The following TRAPPC12 variants were observed in gnomAD, a reference collection of about 807,000 sequenced individuals.
TRAPPC12 encodes the protein TPR repeat protein 15.
In TRAPPC12, 61 loss-of-function variants were observed where a neutral mutation model predicts 69.2. The ratio of observed to expected loss-of-function variants is 0.88; its 90% confidence interval spans 0.72 to 1.09. The LOEUF (loss-of-function observed/expected upper bound fraction) is 1.09. TRAPPC12 is among the 50% of genes least tolerant of loss of function. The pLI, the probability that TRAPPC12 is intolerant of heterozygous loss-of-function variation, is 0.00. For synonymous variants in TRAPPC12, 469 were observed against 438.9 expected (o/e 1.07, Z -0.86); for missense variants, 1,101 against 1,016.4 (o/e 1.08, Z -1.13).
At chr2:3,410,544 T>A (rs1202608256) in intron 3 of TRAPPC12, among the ~76,000 whole-genome samples, 1 of 152,260 alleles carries the variant, frequency 6.6e-6, no homozygotes, top group Non-Finnish European at 1.5e-5. Flanking sequence ...TTGCAAATAA[T>A]TTTATTACAC....
chr2:3,434,172 C>A (rs1049425084), intron 5 of TRAPPC12, among the ~76,000 whole-genome samples: 1 of 152,222 alleles, frequency 6.6e-6, no homozygotes, highest in Non-Finnish European at 1.5e-5. Flanking sequence ...CTTGAGGACA[C>A]GGACCTCGTG....
chr2:3,433,176 A>C (rs1363233856), intron 5 of TRAPPC12, among the ~76,000 whole-genome samples: 1 of 152,192 alleles, frequency 6.6e-6, no homozygotes, highest in East Asian at 1.9e-4. Context: ...AGCACAGGCA[A>C]ACCAAAGGCA....
At chr2:3,404,393 A>G (rs181271874) in intron 3 of TRAPPC12, among the ~76,000 whole-genome samples, 60 of 152,242 alleles carry the variant, frequency 3.9e-4, no homozygotes, top group South Asian at 3.7e-3. Flanking sequence ...AGTTTCTTAT[A>G]TTCTTCTCGA....
At chr2:3,467,256 C>CT (rs1487757430) in intron 9 of TRAPPC12, among the ~76,000 whole-genome samples, 1 of 152,180 alleles carries the variant, frequency 6.6e-6, no homozygotes, top group Non-Finnish European at 1.5e-5. Context: ...TGGGCAAGAG[C>CT]TTTTGCCAAA....
At chr2:3,383,724 C>T (rs934326798) in intron 1 of TRAPPC12, among the ~76,000 whole-genome samples, 3 of 151,796 alleles carry the variant, frequency 2.0e-5, no homozygotes, top group African/African-American at 4.8e-5. Context: ...AAGTTTTTAA[C>T]GTCCCTGAGA....
At chr2:3,427,242 C>A (rs1663157581) in intron 5 of TRAPPC12, among the ~76,000 whole-genome samples, 1 of 152,222 alleles carries the variant, frequency 6.6e-6, no homozygotes, top group Non-Finnish European at 1.5e-5. Context: ...AGCATCGCCT[C>A]CAACCCCGCC....
At chr2:3,429,584 C>T (rs1365074154) in intron 5 of TRAPPC12, among the ~76,000 whole-genome samples, 1 of 152,314 alleles carries the variant, frequency 6.6e-6, no homozygotes, top group East Asian at 1.9e-4. Context: ...TTGCATTGCA[C>T]AGGATGTCAC....
intron 4 of TRAPPC12, among the ~76,000 whole-genome samples, chr2:3,422,257 G>A (rs1048297574): frequency 6.6e-5 from 10 of 152,164 alleles, no homozygotes; most frequent in Non-Finnish European, 1.2e-4. Flanking sequence ...GGGTCAGCAG[G>A]TGGGTTCGCC....
chr2:3,477,975 T>G, intron 10 of TRAPPC12, 180 bp downstream of exon 10: 1 of 455,676 alleles, frequency 2.2e-6, no homozygotes, highest in Non-Finnish European at 4.0e-6. Flanking sequence ...GCAGTGATGT[T>G]CTTTTAGTCA....
In TRAPPC12 at chr2:3,388,423, G is replaced by T; in HGVS notation, c.800G>T (p.Gly267Val). Residue 267 changes from glycine (G) to valine (V), a missense_variant, in exon 2 of 12, where the codon GGG becomes GTG. Transcript: ENST00000324266. ...CGCCCCGAACCCGTGGCCATGCGAG[G>T]GCCCCAGGCAGCTGCGCCCCCGGCG... Reference protein sequence around the residue: ...EGRPEPVAMRGPQAAAPPASP... With the variant: ...EGRPEPVAMRVPQAAAPPASP... 3 of 1,605,798 alleles carry T rather than the reference G, an allele frequency of 1.9e-6. No individual in the cohort carries two copies. Among genetic ancestry groups the T allele is most frequent in the South Asian group, 1.1e-5 (1 of 90,096 alleles).
At chr2:3,475,736 T>C (rs944880011) in intron 9 of TRAPPC12, among the ~76,000 whole-genome samples, 4 of 152,110 alleles carry the variant, frequency 2.6e-5, no homozygotes, top group East Asian at 1.9e-4. Context: ...ACAGCCTGGG[T>C]GTTGACCACA....
intron 5 of TRAPPC12, 170 bp from the exon 6 acceptor site, chr2:3,443,609 A>G (rs1664340021): frequency 1.5e-6 from 1 of 649,920 alleles, no homozygotes; most frequent in African/African-American, 1.8e-5. Context: ...AGCTCCATAG[A>G]GAAAACCAGC....
At chr2:3,418,158 CA>C (rs1662547204) in intron 3 of TRAPPC12, among the ~76,000 whole-genome samples, 1 of 152,044 alleles carries the variant, frequency 6.6e-6, no homozygotes, top group Non-Finnish European at 1.5e-5. Flanking sequence ...CCCAGAAGTT[CA>C]AGACAAGCCT....
At chr2:3,427,488 T>C (rs948699969) in intron 5 of TRAPPC12, among the ~76,000 whole-genome samples, 13 of 152,246 alleles carry the variant, frequency 8.5e-5, no homozygotes, top group African/African-American at 2.7e-4. Context: ...GTGTGAATTA[T>C]AGATTCAAAA....
intron 9 of TRAPPC12, among the ~76,000 whole-genome samples, chr2:3,475,527 C>T (rs1012824259): frequency 4.6e-5 from 7 of 151,074 alleles, no homozygotes; most frequent in East Asian, 3.8e-4. Context: ...TTTTAGAAAT[C>T]GGTAGGATTT....
At chr2:3,384,560 A>G (rs1025384704) in intron 1 of TRAPPC12, among the ~76,000 whole-genome samples, 5 of 152,222 alleles carry the variant, frequency 3.3e-5, no homozygotes, top group African/African-American at 7.2e-5. Context: ...TTGTGCATCT[A>G]TTGAGATAGT....
At chr2:3,421,312 T>G (rs1022971184) in intron 3 of TRAPPC12, among the ~76,000 whole-genome samples, 1 of 152,194 alleles carries the variant, frequency 6.6e-6, no homozygotes, top group Non-Finnish European at 1.5e-5. Context: ...GCCGTAACGT[T>G]AAGTGATGTG....
chr2:3,382,575 G>A (rs1014802935), intron 1 of TRAPPC12, among the ~76,000 whole-genome samples: 2 of 152,114 alleles, frequency 1.3e-5, no homozygotes, highest in East Asian at 1.9e-4. Flanking sequence ...TAGGTACTAC[G>A]ACCACATATT....
At chr2:3,419,259 G>T (rs976842589) in intron 3 of TRAPPC12, among the ~76,000 whole-genome samples, 1 of 152,126 alleles carries the variant, frequency 6.6e-6, no homozygotes, top group Non-Finnish European at 1.5e-5. Context: ...TACAGAATCT[G>T]CCTAGATGCA....
Sources: allele counts gnomAD v4.1 joint callset (sites outside exome capture counted in the v4.1 genomes callset), GRCh38; gene constraint gnomAD v4.1.1; transcripts MANE v1.5; gene names NCBI Gene and HGNC (gene_info 2026-07-23, HGNC 2026-07-21).